Variants in PCDHGB2 observed in about 807,000 individuals in gnomAD.
PCDHGB2 encodes the protein protocadherin gamma subfamily B, 2, also known as protocadherin gamma-B2.
A neutral mutation model predicts 59.3 loss-of-function variants in PCDHGB2; 55 were observed. That is an observed-to-expected ratio of 0.93 (90% CI 0.75 to 1.16). The LOEUF (loss-of-function observed/expected upper bound fraction) is 1.16, where lower values mean the gene tolerates loss of function less well. PCDHGB2 is among the 50% of genes most tolerant of loss of function. PCDHGB2 has a pLI of 0.00. For missense variants in PCDHGB2, 1,228 were observed against 1,198.5 expected, an observed-to-expected ratio of 1.02 and a Z score of -0.36; for synonymous variants, 516 against 512.0, an observed-to-expected ratio of 1.01 and a Z score of -0.11.
Position 141,431,205 on chromosome 5 carries a change from A to T in PCDHGB2, c.2422-63602A>T, listed in dbSNP as rs1438031040. ...AAAATTAGTGAAAATGCAGCCACTG[A>T]GATGCGGTTCCCTCTACCCCACGCC... On this transcript the variant is annotated intron_variant, in intron 1 of 3. Transcript: ENST00000522605. This position sits in a 1 kb window ranked among gnomAD's most constrained non-coding sequence, Gnocchi z 4.8. 1.1e-5 allele frequency: 18 copies of T among 1,614,092 alleles called. No homozygotes were observed. Among genetic ancestry groups the T allele is most frequent in the Non-Finnish European group, 1.5e-5 (18 of 1,180,056 alleles).
intron 1 of PCDHGB2, among the ~76,000 whole-genome samples, chr5:141,368,493 C>G (rs1765685117): frequency 1.3e-5 from 2 of 152,068 alleles, no homozygotes; most frequent in South Asian, 4.1e-4. Flanking sequence ...AGAATCTATA[C>G]AGTAGGTGTC....
chr5:141,381,826 C>CTTTTTTTTTTT (rs770630741), intron 1 of PCDHGB2, among the ~76,000 whole-genome samples: 13 of 74,276 alleles, frequency 1.8e-4, no homozygotes, highest in South Asian at 5.1e-4. Flanking sequence ...CTTTCTTCTT[C>CTTTTTTTTTTT]TTTTTTTTTT....
intron 1 of PCDHGB2, among the ~76,000 whole-genome samples, chr5:141,429,780 A>G (rs1301908729): frequency 1.3e-5 from 2 of 152,222 alleles, no homozygotes; most frequent in Non-Finnish European, 2.9e-5. Flanking sequence ...ATGGGCTTCC[A>G]AAAGTATTAC....
In PCDHGB2 at chr5:141,432,085, G is replaced by A. The variant is rs144065251; in HGVS notation, c.2422-62722G>A. 2.2e-4 allele frequency: 353 copies of A among 1,614,164 alleles called. 1 individual carries two copies. The African/African-American group carries it at 4.2e-3, about 19-fold the overall frequency. ...CGGAAACTCATATCTCGCTGAACGT[G>A]GCAGACACCAACGACAACCCGCCGG... On this transcript the variant is annotated intron_variant, in intron 1 of 3. Transcript: ENST00000522605. This position sits in a 1 kb window ranked among gnomAD's most constrained non-coding sequence, Gnocchi z 6.0.
chr5:141,492,023 C>A, intron 1 of PCDHGB2: 1 of 564,804 alleles, frequency 1.8e-6, no homozygotes, highest in Non-Finnish European at 3.0e-6. Context: ...TCGGGGGTCC[C>A]GGGAGGAGGC....
intron 1 of PCDHGB2, chr5:141,366,432 C>T (rs1250180313): frequency 3.7e-6 from 6 of 1,614,064 alleles, no homozygotes; most frequent in South Asian, 1.1e-5. Context: ...GCTGCAGTCT[C>T]CTGCGTCTTC....
chr5:141,510,529 A>G (rs2099881539), intron 3 of PCDHGB2, among the ~76,000 whole-genome samples: 2 of 152,242 alleles, frequency 1.3e-5, no homozygotes, highest in Admixed American at 6.5e-5. Flanking sequence ...CCCTGAGAGA[A>G]ATACCAGCGA....
At chr5:141,417,932 T>A (rs1398348549) in intron 1 of PCDHGB2, 2 of 1,611,670 alleles carry the variant, frequency 1.2e-6, no homozygotes, top group East Asian at 4.5e-5. Flanking sequence ...GCTGCCTTTG[T>A]TCTACCCCAC....
chr5:141,509,435 T>C (rs547082417), intron 3 of PCDHGB2, among the ~76,000 whole-genome samples: 1 of 152,214 alleles, frequency 6.6e-6, no homozygotes, highest in South Asian at 2.1e-4. Context: ...AAACTCTTGT[T>C]TCCTCCTCTC....
chr5:141,366,316 T>G, intron 1 of PCDHGB2: 1 of 1,613,764 alleles, frequency 6.2e-7, no homozygotes, highest in Non-Finnish European at 8.5e-7. Flanking sequence ...CGGTCACCGT[T>G]GCCGTGGCCG....
intron 1 of PCDHGB2, among the ~76,000 whole-genome samples, chr5:141,458,275 G>A (rs975142859): frequency 2.6e-5 from 4 of 152,142 alleles, no homozygotes; most frequent in Non-Finnish European, 5.9e-5. Flanking sequence ...GAACAACAGG[G>A]TTCCTGGTCC....
chr5:141,427,192 A>G (rs1191677237), intron 1 of PCDHGB2: 2 of 456,566 alleles, frequency 4.4e-6, no homozygotes, highest in African/African-American at 4.0e-5. Flanking sequence ...AAATCCAAAG[A>G]CTTAATAGAC....
chr5:141,364,502 G>A (rs781499695), intron 1 of PCDHGB2: 2 of 1,614,026 alleles, frequency 1.2e-6, no homozygotes, highest in Non-Finnish European at 1.7e-6. Flanking sequence ...GGAGCCCCAG[G>A]AGCTGGCGGA....
intron 1 of PCDHGB2, chr5:141,389,562 G>T (rs1561626191): frequency 1.2e-6 from 2 of 1,613,284 alleles, no homozygotes; most frequent in Non-Finnish European, 1.7e-6. Context: ...TGCGCCACGG[G>T]TGCTGTACCC....
At chr5:141,409,984 GGACGCC>G (rs2095344357) in intron 1 of PCDHGB2, 1 of 1,613,210 alleles carries the variant, frequency 6.2e-7, no homozygotes, top group Admixed American at 1.7e-5. Context: ...TGGTAGCGGT[GGACGCC>G]GACTCGGGAC....
At chr5:141,441,005 C>T (rs772059231) in intron 1 of PCDHGB2, 1 of 152,116 alleles carries the variant, frequency 6.6e-6, no homozygotes, top group Non-Finnish European at 1.5e-5. Context: ...CTAGTTTGGC[C>T]TTGATCAAAT....
chr5:141,469,511 G>A (rs2099203340), intron 1 of PCDHGB2, among the ~76,000 whole-genome samples: 1 of 152,038 alleles, frequency 6.6e-6, no homozygotes, highest in African/African-American at 2.4e-5. Flanking sequence ...GGAGGTGGAG[G>A]TTGCAGTGAG....
chr5:141,432,506 G>A lies in PCDHGB2; in HGVS notation c.2422-62301G>A. 3 of 1,614,140 alleles carry A rather than the reference G, an allele frequency of 1.9e-6. No homozygotes were observed. Among genetic ancestry groups the A allele is most frequent in the Non-Finnish European group, 2.5e-6 (3 of 1,180,036 alleles). On this transcript the variant is annotated intron_variant, in intron 1 of 3. Transcript: ENST00000522605. This position sits in a 1 kb window ranked among gnomAD's most constrained non-coding sequence, Gnocchi z 6.0. ...CGTGGAGCTGGCTCCCCGCTCCGCA[G>A]AGCCCGGCTACCTGGTGACCAAGGT... is the stretch of plus-strand genomic sequence containing the variant.
chr5:141,385,730 A>G (rs763520161), intron 1 of PCDHGB2: 8 of 214,510 alleles, frequency 3.7e-5, no homozygotes, highest in Non-Finnish European at 5.7e-5. Flanking sequence ...GTTCTGAAAG[A>G]TTTCTTCCAT....
Sources: gnomAD v4.1 joint callset for allele counts (sites outside exome capture counted in the v4.1 genomes callset) on GRCh38, gnomAD v4.1.1 for gene constraint, Gnocchi (gnomAD v3.1) non-coding constraint, MANE v1.5 for transcripts, NCBI Gene and HGNC (gene_info 2026-07-23, HGNC 2026-07-21) for gene names.